The following SLC35F3 variants were observed in gnomAD, a reference collection of about 807,000 sequenced individuals.
The protein encoded by SLC35F3 is solute carrier family 35 member F3, also known as putative thiamine transporter SLC35F3.
SLC35F3 carries 25 observed loss-of-function variants against 49.9 expected under a neutral mutation model. The ratio of observed to expected loss-of-function variants is 0.50; its 90% CI spans 0.37 to 0.70. The LOEUF (loss-of-function observed/expected upper bound fraction) is 0.70. Among genes scored for constraint, SLC35F3 ranks in the 30% least tolerant of loss-of-function variants. The pLI is 0.00. For synonymous variants in SLC35F3, 275 were observed against 265.4 expected (o/e 1.04, Z -0.35); for missense variants, 525 against 639.8 (o/e 0.82, Z 1.94).
chr1:234,083,461 G>C (rs905398237), intron 2 of SLC35F3, among the ~76,000 whole-genome samples: 10 of 152,180 alleles, frequency 6.6e-5, no homozygotes, highest in African/African-American at 2.4e-4. Context: ...CTGTTGAGTT[G>C]TTCCATTCTA....
At chr1:234,242,955 T>A (rs944075185) in intron 3 of SLC35F3, among the ~76,000 whole-genome samples, 1 of 152,206 alleles carries the variant, frequency 6.6e-6, no homozygotes, top group Non-Finnish European at 1.5e-5. Context: ...AAAGAAAGAC[T>A]TTAAGTGTTT....
chr1:234,297,743 C>CA (rs57703297), intron 3 of SLC35F3, among the ~76,000 whole-genome samples: 6,731 of 124,272 alleles, frequency 0.054, 231 homozygotes, highest in Non-Finnish European at 0.08. Flanking sequence ...TACCCTGTCT[C>CA]AAAAAAAAAA....
At chr1:233,925,176 C>A (rs988206510) in intron 2 of SLC35F3, among the ~76,000 whole-genome samples, 52 of 152,146 alleles carry the variant, frequency 3.4e-4, no homozygotes, top group African/African-American at 1.0e-3. Flanking sequence ...GAGTTCAAGT[C>A]CTGGATATCC....
intron 2 of SLC35F3, among the ~76,000 whole-genome samples, chr1:234,108,098 A>G (rs1449336019): frequency 6.6e-6 from 1 of 150,390 alleles, no homozygotes; most frequent in Non-Finnish European, 1.5e-5. Flanking sequence ...AAGCCACAGA[A>G]ATGGCTGTTA....
intron 2 of SLC35F3, among the ~76,000 whole-genome samples, chr1:234,118,792 C>T (rs1168658854): frequency 6.6e-6 from 1 of 152,080 alleles, no homozygotes. Flanking sequence ...GAACTAGAAC[C>T]AACTCTTCTG....
At chr1:233,962,422 G>T (rs4330979) in intron 2 of SLC35F3, among the ~76,000 whole-genome samples, 11,873 of 152,250 alleles carry the variant, frequency 0.078, 667 homozygotes, top group East Asian at 0.22. Context: ...GCATCAGTGT[G>T]CATGAATCTC....
chr1:234,027,725 A>G lies in SLC35F3; in HGVS notation c.283+121967A>G, dbSNP rs1663999143. 6.6e-6 allele frequency among the ~76,000 whole-genome samples: 1 copy of G among 152,210 alleles called. No individual in the cohort carries two copies. On this transcript the variant is annotated intron_variant, in intron 2 of 7. Transcript: ENST00000366618. The surrounding 1 kb of genome is among the most constrained non-coding windows in gnomAD (Gnocchi z 4.1). ...GAAGAGAGGGTAATTTTGTTTGTTTATTCCCTGTATTCCTTCATTTAGTAA... is the reference window on the plus strand; with the variant it reads ...GAAGAGAGGGTAATTTTGTTTGTTTGTTCCCTGTATTCCTTCATTTAGTAA...
At chr1:234,175,092 A>G (rs546818699) in intron 2 of SLC35F3, among the ~76,000 whole-genome samples, 137 of 152,340 alleles carry the variant, frequency 9.0e-4, no homozygotes, top group African/African-American at 2.5e-3. Context: ...AGGCTCAGAA[A>G]GACGCATACG....
intron 2 of SLC35F3, among the ~76,000 whole-genome samples, chr1:234,061,503 A>G (rs1286247203): frequency 2.4e-5 from 2 of 82,466 alleles, no homozygotes; most frequent in Non-Finnish European, 5.4e-5. Context: ...TTTTTTACAA[A>G]ATTTGGAAAA....
chr1:234,179,389 C>T (rs1021803928), intron 2 of SLC35F3, among the ~76,000 whole-genome samples: 1 of 152,176 alleles, frequency 6.6e-6, no homozygotes, highest in African/African-American at 2.4e-5. Context: ...AATTCCTTCA[C>T]TAATACCCGG....
chr1:234,095,036 T>C (rs1042264714), intron 2 of SLC35F3, among the ~76,000 whole-genome samples: 1 of 152,216 alleles, frequency 6.6e-6, no homozygotes, highest in African/African-American at 2.4e-5. Context: ...GGGGGGTTTA[T>C]CTGATCAGTT....
At chr1:234,194,968 T>C (rs1263431506) in intron 2 of SLC35F3, among the ~76,000 whole-genome samples, 1 of 152,222 alleles carries the variant, frequency 6.6e-6, no homozygotes, top group East Asian at 1.9e-4. Flanking sequence ...GGAGCCACTC[T>C]TGACCACCAT....
chr1:234,319,132 G>A (rs1443955386), intron 6 of SLC35F3, among the ~76,000 whole-genome samples, 189 bp downstream of exon 6: 1 of 152,186 alleles, frequency 6.6e-6, no homozygotes, highest in Non-Finnish European at 1.5e-5. Flanking sequence ...TCCAGAGCCA[G>A]AATCAGTGCA....
intron 2 of SLC35F3, among the ~76,000 whole-genome samples, chr1:234,169,262 T>C (rs986654950): frequency 6.6e-6 from 1 of 152,202 alleles, no homozygotes; most frequent in African/African-American, 2.4e-5. Context: ...GCTCATCTTT[T>C]CCAGAAACAC....
intron 2 of SLC35F3, among the ~76,000 whole-genome samples, chr1:234,228,084 C>CT (rs1326657454): frequency 6.6e-6 from 1 of 152,202 alleles, no homozygotes; most frequent in African/African-American, 2.4e-5. Flanking sequence ...CAGTCCACAT[C>CT]TGAGTTTGCT....
chr1:234,275,515 C>T (rs1668190343), intron 3 of SLC35F3, among the ~76,000 whole-genome samples: 2 of 151,972 alleles, frequency 1.3e-5, no homozygotes, highest in Non-Finnish European at 2.9e-5. Flanking sequence ...CAGAGGGATG[C>T]TCAAAACTCC....
At chr1:234,105,097 T>C (rs897137450) in intron 2 of SLC35F3, among the ~76,000 whole-genome samples, 1 of 147,694 alleles carries the variant, frequency 6.8e-6, no homozygotes, top group Non-Finnish European at 1.5e-5. Context: ...CACTGCACTC[T>C]GGCCTGGGCG....
chr1:234,093,261 G>A (rs963378000), intron 2 of SLC35F3, among the ~76,000 whole-genome samples: 1 of 152,146 alleles, frequency 6.6e-6, no homozygotes, highest in Non-Finnish European at 1.5e-5. Context: ...AGAACAAAAG[G>A]CTTTATCTGG....
chr1:234,207,413 C>CTT (rs1666988078), intron 2 of SLC35F3, among the ~76,000 whole-genome samples: 5 of 134,276 alleles, frequency 3.7e-5, no homozygotes, highest in African/African-American at 8.4e-5. Flanking sequence ...CTCCCTCCTT[C>CTT]CTTTCTCCCT....
Sources: gnomAD v4.1 joint callset for allele counts (sites outside exome capture counted in the v4.1 genomes callset) on GRCh38, gnomAD v4.1.1 for gene constraint, Gnocchi (gnomAD v3.1) non-coding constraint, MANE v1.5 for transcripts, NCBI Gene and HGNC (gene_info 2026-07-23, HGNC 2026-07-21) for gene names.